Variants in MSRB3 observed in about 807,000 individuals in gnomAD.
The protein encoded by MSRB3 is methionine sulfoxide reductase B3, also known as methionine-R-sulfoxide reductase B3.
Under a neutral mutation model 21.0 loss-of-function variants are expected in MSRB3, and 13 were observed. The ratio of observed to expected loss-of-function variants is 0.62; its 90% CI spans 0.40 to 0.98. MSRB3 has a LOEUF of 0.98. MSRB3 is among the 50% of genes least tolerant of loss of function. The pLI is 0.00. For missense variants in MSRB3, 199 were observed against 230.3 expected (o/e 0.86, Z 0.88); for synonymous variants, 87 against 88.6 (o/e 0.98, Z 0.10).
At chr12:65,337,225 A>G (rs1875827413) in intron 4 of MSRB3, among the ~76,000 whole-genome samples, 1 of 152,076 alleles carries the variant, frequency 6.6e-6, no homozygotes, top group Admixed American at 6.5e-5. Flanking sequence ...CCTGGGCGAC[A>G]GAACGAGACT....
At chr12:65,364,887 G>A (rs1402930714) in intron 4 of MSRB3, among the ~76,000 whole-genome samples, 1 of 152,148 alleles carries the variant, frequency 6.6e-6, no homozygotes, top group Non-Finnish European at 1.5e-5. Context: ...TATCAATAGA[G>A]TAGCTGTATT....
intron 5 of MSRB3, among the ~76,000 whole-genome samples, chr12:65,436,989 T>C (rs1460236777): frequency 3.3e-5 from 5 of 151,960 alleles, no homozygotes; most frequent in Non-Finnish European, 7.4e-5. Context: ...GTACACAATA[T>C]ATACGACAAT....
chr12:65,352,096 A>C (rs1375017861), intron 4 of MSRB3, among the ~76,000 whole-genome samples: 1 of 152,136 alleles, frequency 6.6e-6, no homozygotes, highest in Non-Finnish European at 1.5e-5. Context: ...CCAGCAGCAC[A>C]TCAAAAAGCT....
chr12:65,388,398 G>A lies in MSRB3; in HGVS notation c.292+19372G>A, dbSNP rs533999342. On this transcript the variant is annotated intron_variant, in intron 5 of 6. Transcript: ENST00000308259. ...AGGATCCGGAGTTCAGCTCCCACTT[G>A]TTTCTTCCACCAGGTTCCTTGTGCA... 2.6e-4 allele frequency among the ~76,000 whole-genome samples: 40 copies of A among 152,178 alleles called. No individual in the cohort carries two copies. The South Asian group carries it at 8.1e-3, about 31-fold the overall frequency.
intron 5 of MSRB3, among the ~76,000 whole-genome samples, chr12:65,396,694 A>T (rs1291135398): frequency 3.4e-5 from 1 of 29,222 alleles, no homozygotes; most frequent in Non-Finnish European, 7.8e-5. Context: ...TCCATCTCAA[A>T]AAAAAAAAAA....
At chr12:65,410,297 G>A (rs1880646265) in intron 5 of MSRB3, among the ~76,000 whole-genome samples, 1 of 151,916 alleles carries the variant, frequency 6.6e-6, no homozygotes, top group Admixed American at 6.6e-5. Flanking sequence ...TTTCTGTTTG[G>A]CACCAGATCA....
At chr12:65,354,557 C>T (rs12228635) in intron 4 of MSRB3, among the ~76,000 whole-genome samples, 38,624 of 151,836 alleles carry the variant, frequency 0.25, 6,156 homozygotes, top group Middle Eastern at 0.37. Context: ...AGTTCTCTTG[C>T]CATGGTTTTC....
At chr12:65,434,965 G>A (rs1291692825) in intron 5 of MSRB3, among the ~76,000 whole-genome samples, 1 of 151,832 alleles carries the variant, frequency 6.6e-6, no homozygotes, top group Non-Finnish European at 1.5e-5. Flanking sequence ...CCAGTTAGAT[G>A]TTATCTACAC....
intron 5 of MSRB3, among the ~76,000 whole-genome samples, chr12:65,410,931 C>T (rs1028503220): frequency 2.0e-5 from 3 of 152,144 alleles, no homozygotes; most frequent in Admixed American, 1.3e-4. Flanking sequence ...CCTCTCTGGC[C>T]TTTTCACATG....
chr12:65,390,624 C>T (rs1045446429), intron 5 of MSRB3, among the ~76,000 whole-genome samples: 6 of 152,050 alleles, frequency 3.9e-5, no homozygotes, highest in African/African-American at 7.2e-5. Context: ...AGTAATTCCA[C>T]TTTGGGAGAC....
intron 2 of MSRB3, among the ~76,000 whole-genome samples, chr12:65,322,096 A>G (rs534455852): frequency 2.0e-5 from 3 of 152,322 alleles, no homozygotes; most frequent in African/African-American, 7.2e-5. Context: ...AACAGATCTA[A>G]TTTACTTCTT....
At chr12:65,375,437 TA>T (rs780013219) in intron 5 of MSRB3, among the ~76,000 whole-genome samples, 6 of 152,142 alleles carry the variant, frequency 3.9e-5, no homozygotes, top group Non-Finnish European at 7.4e-5. Flanking sequence ...TTTAATATTT[TA>T]TTTATTTTTA....
intron 5 of MSRB3, among the ~76,000 whole-genome samples, chr12:65,449,205 ATT>A (rs11313276): frequency 0.022 from 3,090 of 139,812 alleles, 55 homozygotes; most frequent in Middle Eastern, 0.092. Context: ...ATTTTTTTGT[ATT>A]TTTTTTTTTT....
At chr12:65,424,973 T>TTATATATATATA (rs149024921) in intron 5 of MSRB3, among the ~76,000 whole-genome samples, 27 of 47,886 alleles carry the variant, frequency 5.6e-4, no homozygotes, top group South Asian at 2.6e-3. Flanking sequence ...AATATTTGCT[T>TTATATATATATA]TATATATATA....
chr12:65,292,034 G>T (rs1207024278), intron 1 of MSRB3, among the ~76,000 whole-genome samples: 2 of 152,176 alleles, frequency 1.3e-5, no homozygotes, highest in East Asian at 3.8e-4. Flanking sequence ...AGTGGTGGTG[G>T]CAGAACTGAG....
Position 65,308,662 on chromosome 12 carries a change from G to T in MSRB3, c.76+7G>T, listed in dbSNP as rs199896714. ...GCCTGTGGGCTTCCCTCAGGTTGCT[G>T]CTTGTTGTACTGTACATAGTGAAGG... is the stretch of plus-strand genomic sequence containing the variant. On this transcript the variant is annotated splice_region_variant and intron_variant, in intron 2 of 6. Coordinates refer to ENST00000308259, the MANE Select transcript of MSRB3 (RefSeq NM_001031679.3). The T allele has an allele frequency of 1.4e-4, 223 of 1,613,878 alleles. No homozygotes were observed. In the African/African-American group the frequency reaches 2.8e-3, roughly 20 times the overall value.
At chr12:65,339,032 G>A (rs374267445) in intron 4 of MSRB3, among the ~76,000 whole-genome samples, 19 of 152,258 alleles carry the variant, frequency 1.2e-4, no homozygotes, top group African/African-American at 4.1e-4. Context: ...AGCCAAGATT[G>A]TGACACTGGA....
At chr12:65,350,917 A>G (rs1876933651) in intron 4 of MSRB3, among the ~76,000 whole-genome samples, 1 of 148,132 alleles carries the variant, frequency 6.8e-6, no homozygotes, top group African/African-American at 2.6e-5. Context: ...ACAGAAAGTC[A>G]ACAAGGATAC....
chr12:65,339,960 T>A (rs939787152), intron 4 of MSRB3, among the ~76,000 whole-genome samples: 1 of 152,150 alleles, frequency 6.6e-6, no homozygotes, highest in Admixed American at 6.5e-5. Flanking sequence ...TGGAGTGCAA[T>A]TTTTCATGCA....
Sources: allele counts gnomAD v4.1 joint callset (sites outside exome capture counted in the v4.1 genomes callset), GRCh38; gene constraint gnomAD v4.1.1; transcripts MANE v1.5; gene names NCBI Gene and HGNC (gene_info 2026-07-23, HGNC 2026-07-21).